PLCL1: variants seen among roughly 807,000 people sequenced by gnomAD.
PLCL1 encodes the protein phospholipase C like 1 (inactive).
Under a neutral mutation model 84.4 loss-of-function variants are expected in PLCL1, and 41 were observed. That is an observed-to-expected ratio of 0.49 (90% CI 0.38 to 0.63). The LOEUF (loss-of-function observed/expected upper bound fraction) is 0.63, where lower values mean the gene tolerates loss of function less well. PLCL1 is among the 30% of genes least tolerant of loss of function. The pLI is 0.00. For missense variants in PLCL1, 1,206 were observed against 1,367.8 expected (o/e 0.88, Z 1.87); for synonymous variants, 490 against 488.3 (o/e 1.00, Z -0.05).
intron 1 of PLCL1, among the ~76,000 whole-genome samples, chr2:198,010,868 G>GT (rs1690853671): frequency 6.6e-6 from 1 of 151,474 alleles, no homozygotes; most frequent in Admixed American, 6.6e-5. Context: ...TTGATAGGTT[G>GT]TATGTTTCTA....
At chr2:197,806,190 T>G (rs1251339561) in intron 1 of PLCL1, among the ~76,000 whole-genome samples, 1 of 152,168 alleles carries the variant, frequency 6.6e-6, no homozygotes, top group Non-Finnish European at 1.5e-5. Context: ...TAAATGCATG[T>G]GAGTAATCAA....
At chr2:198,069,841 T>C (rs1692419650) in intron 1 of PLCL1, among the ~76,000 whole-genome samples, 1 of 152,186 alleles carries the variant, frequency 6.6e-6, no homozygotes, top group Non-Finnish European at 1.5e-5. Context: ...AAGAGTATTT[T>C]AAGTGGCAGA....
At chr2:197,932,139 GCACGGTC>G (rs1203111807) in intron 1 of PLCL1, among the ~76,000 whole-genome samples, 1 of 152,062 alleles carries the variant, frequency 6.6e-6, no homozygotes, top group African/African-American at 2.4e-5. Context: ...CATATTGATT[GCACGGTC>G]CTCTGATACT....
intron 1 of PLCL1, among the ~76,000 whole-genome samples, chr2:197,831,707 C>T (rs968461388): frequency 6.6e-6 from 1 of 152,196 alleles, no homozygotes; most frequent in African/African-American, 2.4e-5. Flanking sequence ...CCCAAATCAA[C>T]AGAATATACA....
intron 1 of PLCL1, among the ~76,000 whole-genome samples, chr2:197,984,535 A>C (rs1690182070): frequency 6.6e-6 from 1 of 152,186 alleles, no homozygotes; most frequent in African/African-American, 2.4e-5. Context: ...TATCATGTTC[A>C]CAGTTTATTC....
chr2:198,093,423 A>G (rs13391892), intron 3 of PLCL1, among the ~76,000 whole-genome samples: 2,547 of 152,206 alleles, frequency 0.017, 86 homozygotes, highest in African/African-American at 0.058. Context: ...TGTACTTTCC[A>G]TTTACTTTTT....
At chr2:198,105,190 G>A (rs1693444106) in intron 5 of PLCL1, among the ~76,000 whole-genome samples, 1 of 151,920 alleles carries the variant, frequency 6.6e-6, no homozygotes, top group East Asian at 1.9e-4. Flanking sequence ...AGTGATTTTT[G>A]TATATGGTAC....
intron 1 of PLCL1, among the ~76,000 whole-genome samples, chr2:197,987,009 G>T (rs150406315): frequency 1.9e-3 from 291 of 152,294 alleles, no homozygotes; most frequent in African/African-American, 6.7e-3. Flanking sequence ...GACTTGATTT[G>T]TCTTCTGACT....
chr2:197,866,826 C>A (rs931998975), intron 1 of PLCL1, among the ~76,000 whole-genome samples: 1 of 152,158 alleles, frequency 6.6e-6, no homozygotes, highest in Non-Finnish European at 1.5e-5. Context: ...GGGTCTGCTT[C>A]TGGAGAACCC....
chr2:197,902,872 C>T (rs1688295448), intron 1 of PLCL1, among the ~76,000 whole-genome samples: 1 of 152,150 alleles, frequency 6.6e-6, no homozygotes, highest in African/African-American at 2.4e-5. Context: ...GCTTTAGTTT[C>T]AGAGACAGAT....
At chr2:197,876,075 A>G (rs1029292146) in intron 1 of PLCL1, among the ~76,000 whole-genome samples, 1 of 152,230 alleles carries the variant, frequency 6.6e-6, no homozygotes, top group Non-Finnish European at 1.5e-5. Flanking sequence ...CACTAACTAT[A>G]AAAACATTTT....
At chr2:197,947,412 T>A (rs572441492) in intron 1 of PLCL1, among the ~76,000 whole-genome samples, 1 of 152,048 alleles carries the variant, frequency 6.6e-6, no homozygotes, top group East Asian at 1.9e-4. Context: ...GGGAAACAAA[T>A]TTTCAGGTGC....
intron 1 of PLCL1, among the ~76,000 whole-genome samples, chr2:197,918,524 G>A (rs1482036881): frequency 2.0e-5 from 3 of 152,072 alleles, no homozygotes; most frequent in Non-Finnish European, 2.9e-5. Context: ...GAGTATATAG[G>A]AACTCTCTGT....
At position 198,149,565 on chromosome 2, in the gene PLCL1, C is replaced by T. The variant is rs1694595925; in HGVS notation, c.*2603C>T. ...TTTTAAACCAGACTATTAACTCTTA[C>T]CTTTATAACCACAGATACAAAGAAC... On this transcript the variant is annotated 3_prime_UTR_variant, in exon 6 of 6. Coordinates refer to ENST00000428675, the MANE Select transcript of PLCL1 (RefSeq NM_006226.4). 6.6e-6 allele frequency: 1 copy of T among 152,058 alleles called. No individual in the cohort carries two copies. Among genetic ancestry groups the T allele is most frequent in the Non-Finnish European group, 1.5e-5 (1 of 67,972 alleles). The allele number at this position is 152,058 out of a possible 1,614,324, so 9.4% of individuals were successfully genotyped here. A position where few individuals can be genotyped will look rare whatever the true frequency, so the allele number is the denominator to read the frequency against.
chr2:197,848,715 A>G (rs941048597), intron 1 of PLCL1, among the ~76,000 whole-genome samples: 1 of 152,232 alleles, frequency 6.6e-6, no homozygotes, highest in African/African-American at 2.4e-5. Flanking sequence ...GACAAGGTCA[A>G]AATATTTCTG....
chr2:198,094,627 AACATCCCTGTGAG>A (rs1693145409), intron 3 of PLCL1, among the ~76,000 whole-genome samples: 1 of 152,172 alleles, frequency 6.6e-6, no homozygotes, highest in Non-Finnish European at 1.5e-5. Flanking sequence ...AAAATGCAGC[AACATCCCTGTGAG>A]TAATAACACA....
intron 1 of PLCL1, among the ~76,000 whole-genome samples, chr2:198,059,672 C>T (rs1306872736): frequency 6.6e-6 from 1 of 152,050 alleles, no homozygotes; most frequent in Non-Finnish European, 1.5e-5. Context: ...GCCTCCTCTA[C>T]CCAGGACACA....
chr2:197,951,588 A>G (rs992753244), intron 1 of PLCL1, among the ~76,000 whole-genome samples: 2 of 152,104 alleles, frequency 1.3e-5, no homozygotes, highest in African/African-American at 2.4e-5. Flanking sequence ...AGAGAAGCAT[A>G]CCTCCTGTAG....
chr2:198,032,137 CAT>C (rs1365802036), intron 1 of PLCL1, among the ~76,000 whole-genome samples: 8 of 152,172 alleles, frequency 5.3e-5, no homozygotes, highest in African/African-American at 1.9e-4. Context: ...GGTTTAATCA[CAT>C]GTCTCTCAAA....
Sources: gnomAD v4.1 joint callset for allele counts (sites outside exome capture counted in the v4.1 genomes callset) on GRCh38, gnomAD v4.1.1 for gene constraint, MANE v1.5 for transcripts, NCBI Gene and HGNC (gene_info 2026-07-23, HGNC 2026-07-21) for gene names.